LRP5: variants seen among roughly 807,000 people sequenced by gnomAD.
LRP5 encodes the protein low-density lipoprotein receptor-related protein 5.
In LRP5, 62 loss-of-function variants were observed where a neutral mutation model predicts 154.1. The ratio of observed to expected loss-of-function variants is 0.40; its 90% confidence interval spans 0.33 to 0.50. The LOEUF is 0.50. Ranked by LOEUF, LRP5 falls within the 20% of genes least tolerant of loss-of-function variation. LRP5 has a pLI of 0.55. For synonymous variants in LRP5, 966 were observed against 1,011.5 expected (o/e 0.96, Z 0.85); for missense variants, 1,915 against 2,336.7 (o/e 0.82, Z 3.72).
At chr11:68,361,528 T>C (rs898253691) in intron 3 of LRP5, among the ~76,000 whole-genome samples, 3 of 151,020 alleles carry the variant, frequency 2.0e-5, no homozygotes, top group African/African-American at 4.9e-5. Context: ...TCCCAGCCAC[T>C]CGGGAGGCTG....
intron 22 of LRP5, 113 bp downstream of exon 22, chr11:68,446,646 G>A: frequency 1.0e-6 from 1 of 968,586 alleles, no homozygotes; most frequent in Non-Finnish European, 1.6e-6. Flanking sequence ...CTAGTGGGCA[G>A]GTGCCGGGCC....
Position 68,358,076 on chromosome 11 carries a change from A to G in LRP5, c.686+229A>G, listed in dbSNP as rs145905897. Among the ~76,000 whole-genome samples the G allele has an allele frequency of 1.3e-5, 2 of 152,130 alleles. 1 individual carries two copies. Among genetic ancestry groups the G allele is most frequent in the East Asian group, 3.9e-4 (2 of 5,180 alleles). On this transcript the variant is annotated intron_variant, in intron 3 of 22. Coordinates refer to ENST00000294304, the MANE Select transcript of LRP5 (RefSeq NM_002335.4). ...CACGTTCATTCTAAGTAGGGCAGAA[A>G]AGACTATCTGTAGCCCACACCCATG...
At chr11:68,410,594 G>C (rs1053130174) in intron 10 of LRP5, among the ~76,000 whole-genome samples, 5 of 152,104 alleles carry the variant, frequency 3.3e-5, no homozygotes, top group Non-Finnish European at 5.9e-5. Flanking sequence ...TGAGGTCCCC[G>C]GACCTCAGGC....
At chr11:68,441,029 A>G (rs1434948630) in intron 21 of LRP5, among the ~76,000 whole-genome samples, 1 of 152,018 alleles carries the variant, frequency 6.6e-6, no homozygotes, top group Non-Finnish European at 1.5e-5. Context: ...TGGCCTCCCA[A>G]AGTGCTGGGA....
rs1285076385 is a variant in LRP5 at position 68,312,597 on chromosome 11, C to T, written c.-118C>T. ...GCCCAGCTCCCTCCTCCCCGTCGTCCTGGTCCGCGGCGCCCGAGGGGGGAG... is the reference window on the plus strand; with the variant it reads ...GCCCAGCTCCCTCCTCCCCGTCGTCTTGGTCCGCGGCGCCCGAGGGGGGAG... On this transcript the variant is annotated 5_prime_UTR_variant, in exon 1 of 23. Transcript: ENST00000294304. The T allele has an allele frequency of 7.0e-6, 2 of 283,810 alleles. No individual in the cohort carries two copies. The highest frequency in any genetic ancestry group is 4.6e-5 in the African/African-American group (2 of 43,358). The allele number at this position is 283,810 out of a possible 1,614,324, so 17.6% of individuals were successfully genotyped here.
Position 68,425,212 on chromosome 11 carries a change from C to T in LRP5, c.3347C>T (p.Ala1116Val), listed in dbSNP as rs1408022055. ...ACCACCGGCCTCATCCGCCCTGTGG[C>T]CCTGGTGGTGGACAACACACTGGGC... The part of the protein sequence containing the change: ...LFTTGLIRPV[A>V]LVVDNTLGKL... The change falls in exon 15 of 23, where the codon GCC becomes GTC. Residue 1116 changes from alanine to valine, a missense_variant. Physicochemically the swap from Ala to Val is moderately conservative, Grantham distance 64 (BLOSUM62 0). This residue lies in a region of LRP5 where 1,094 missense variants were observed against 1,210.1 expected (regional missense o/e 0.90). Coordinates refer to ENST00000294304, the MANE Select transcript of LRP5 (RefSeq NM_002335.4). 1.9e-6 allele frequency: 3 copies of T among 1,613,468 alleles called. No homozygotes were observed. The highest frequency in any genetic ancestry group is 2.5e-6 in the Non-Finnish European group (3 of 1,179,996).
At chr11:68,430,156 CTTTTTG>C (rs1167994774) in intron 17 of LRP5, among the ~76,000 whole-genome samples, 1 of 151,840 alleles carries the variant, frequency 6.6e-6, no homozygotes, top group Non-Finnish European at 1.5e-5. Context: ...GTTTTTGTGT[CTTTTTG>C]TTTTGTTTTG....
rs1405344132 is a variant in LRP5 at position 68,433,642 on chromosome 11, A to G, written c.3804A>G (p.Thr1268=). The change falls in exon 18 of 23, where the codon ACA becomes ACG. Residue 1268 remains threonine (T), a synonymous_variant. Coordinates refer to ENST00000294304, the MANE Select transcript of LRP5 (RefSeq NM_002335.4). Reference sequence around the variant, plus strand: ...CCCCGGACCAGTTTGCATGTGCCACAGGGGAGATCGACTGTATCCCCGGGG... The same window carrying G: ...CCCCGGACCAGTTTGCATGTGCCACGGGGGAGATCGACTGTATCCCCGGGG... ...TCSPDQFACA[T]GEIDCIPGAW... 2.5e-6 allele frequency: 4 copies of G among 1,613,512 alleles called. No individual in the cohort carries two copies. In the East Asian group the frequency reaches 6.7e-5, roughly 27 times the overall value.
In LRP5 at chr11:68,386,857, C is replaced by A; in HGVS notation, c.1412+145C>A. ...TGTTAAAACACCGGCAGCTGGGCCC[C>A]ACCCCCAGAGCGGTGATTCAGGAGC... On this transcript the variant is annotated intron_variant, in intron 6 of 22. Transcript: ENST00000294304. The surrounding 1 kb of genome is among the most constrained non-coding windows in gnomAD (Gnocchi z 7.9). The A allele has an allele frequency of 1.0e-6, 1 of 999,604 alleles. No homozygotes were observed. The highest frequency in any genetic ancestry group is 1.4e-6 in the Non-Finnish European group (1 of 699,198). 61.9% of individuals were successfully genotyped at this position (999,604 alleles called of 1,614,324 possible). A position where few individuals can be genotyped will look rare whatever the true frequency, so the allele number is the denominator to read the frequency against.
At chr11:68,322,928 G>A (rs1207422813) in intron 1 of LRP5, among the ~76,000 whole-genome samples, 2 of 152,228 alleles carry the variant, frequency 1.3e-5, no homozygotes, top group African/African-American at 2.4e-5. Flanking sequence ...GGTCCACGTG[G>A]TACCCACCAG....
intron 18 of LRP5, among the ~76,000 whole-genome samples, chr11:68,436,380 T>G (rs1565114393): frequency 6.6e-6 from 1 of 152,012 alleles, no homozygotes; most frequent in Non-Finnish European, 1.5e-5. Flanking sequence ...TTGCTCTTCC[T>G]CCCTGGCCAG....
chr11:68,437,099 G>A (rs1355496070), intron 19 of LRP5, 100 bp downstream of exon 19: 8 of 1,026,380 alleles, frequency 7.8e-6, no homozygotes, highest in Non-Finnish European at 1.2e-5. Context: ...GGGGCTGGGG[G>A]CTGTGTGGGA....
chr11:68,311,979 A>G (rs1565308061), upstream of LRP5, among the ~76,000 whole-genome samples: 1 of 152,190 alleles, frequency 6.6e-6, no homozygotes, highest in Non-Finnish European at 1.5e-5. Flanking sequence ...GGGCTTGTTG[A>G]AGGACTCAAA....
At chr11:68,403,283 CAAAG>C (rs1365605112) in intron 7 of LRP5, among the ~76,000 whole-genome samples, 196 bp from the exon 8 acceptor site, 1 of 152,042 alleles carries the variant, frequency 6.6e-6, no homozygotes, top group Non-Finnish European at 1.5e-5. Flanking sequence ...AACAAACAAA[CAAAG>C]CGTCATTTAT....
intron 7 of LRP5, among the ~76,000 whole-genome samples, chr11:68,395,389 C>T (rs1265889881): frequency 6.6e-6 from 1 of 151,732 alleles, no homozygotes; most frequent in Non-Finnish European, 1.5e-5. Flanking sequence ...GTGGAGCAGG[C>T]CACCCTGTGG....
At chr11:68,330,318 A>C (rs1391181900) in intron 1 of LRP5, among the ~76,000 whole-genome samples, 1 of 152,054 alleles carries the variant, frequency 6.6e-6, no homozygotes, top group Non-Finnish European at 1.5e-5. Flanking sequence ...AGTGGAGGAC[A>C]CATGGCTTTC....
chr11:68,338,023 C>T (rs12362621), intron 1 of LRP5, among the ~76,000 whole-genome samples: 7 of 151,950 alleles, frequency 4.6e-5, no homozygotes, highest in Non-Finnish European at 8.8e-5. Flanking sequence ...TTTGTGTGTG[C>T]GTGTGTGTGT....
chr11:68,342,975 G>A (rs902507629), intron 1 of LRP5, among the ~76,000 whole-genome samples: 18 of 152,244 alleles, frequency 1.2e-4, no homozygotes, highest in African/African-American at 3.9e-4. Context: ...TAATAGGGAA[G>A]GTTTTACTGG....
At chr11:68,440,347 A>G (rs765178853) in intron 21 of LRP5, among the ~76,000 whole-genome samples, 3 of 152,182 alleles carry the variant, frequency 2.0e-5, no homozygotes, top group African/African-American at 2.4e-5. Flanking sequence ...GGTTTTGTGC[A>G]TGACAGACAA....
Sources: allele counts gnomAD v4.1 joint callset (sites outside exome capture counted in the v4.1 genomes callset), GRCh38; gene constraint gnomAD v4.1.1; regional missense constraint gnomAD v4.1.1; non-coding constraint Gnocchi (gnomAD v3.1); transcripts MANE v1.5; gene names NCBI Gene and HGNC (gene_info 2026-07-23, HGNC 2026-07-21).